DNAH14: variants seen among roughly 807,000 people sequenced by gnomAD.
The protein encoded by DNAH14 is dynein axonemal heavy chain 14.
A neutral mutation model predicts 520.9 loss-of-function variants in DNAH14; 478 were observed. That is an observed-to-expected ratio of 0.92 (90% CI 0.85 to 0.99). DNAH14 has a LOEUF of 0.99. DNAH14 is among the 50% of genes least tolerant of loss of function. The pLI is 0.00. For synonymous variants in DNAH14, 1,581 were observed against 1,757.2 expected (o/e 0.90, Z 2.51); for missense variants, 4,831 against 5,234.5 (o/e 0.92, Z 2.38).
Position 225,398,585 on chromosome 1 carries a change from T to G in DNAH14, c.13557T>G (p.Asn4519Lys), listed in dbSNP as rs147317659. ...FGLFIEGARWNREQKILEDSL... is the reference protein window; with the variant it reads ...FGLFIEGARWKREQKILEDSL... ...TATTCATCGAGGGGGCAAGATGGAATCGTGAACAGAAAATACTGGAAGACT... is the reference window on the plus strand; with the variant it reads ...TATTCATCGAGGGGGCAAGATGGAAGCGTGAACAGAAAATACTGGAAGACT... Residue 4519 changes from asparagine to lysine, a missense_variant, in exon 85 of 86, where the codon AAT becomes AAG. By Grantham distance (94) the Asn-to-Lys change is moderately conservative. Coordinates refer to ENST00000682510, the MANE Select transcript of DNAH14 (RefSeq NM_001367479.1). 6.4e-7 allele frequency: 1 copy of G among 1,551,714 alleles called. No individual in the cohort carries two copies. Among genetic ancestry groups the G allele is most frequent in the Non-Finnish European group, 8.7e-7 (1 of 1,146,988 alleles).
chr1:225,085,486 G>T (rs1558907677), intron 20 of DNAH14, 58 bp from the exon 21 acceptor site: 1 of 1,400,626 alleles, frequency 7.1e-7, no homozygotes, highest in Non-Finnish European at 9.6e-7. Context: ...TTTCCATTTT[G>T]GACATATCAG....
In DNAH14 at chr1:225,117,933, A is replaced by AAGAC; in HGVS notation, c.4027_4030dup (p.Ile1344ArgfsTer14). On this transcript the variant is annotated frameshift_variant, in exon 25 of 86. Coordinates refer to ENST00000682510, the MANE Select transcript of DNAH14 (RefSeq NM_001367479.1). LOFTEE classifies it high-confidence loss of function. ...ATAAAACAATTATTGATATGGAAACAAGACATTGGCCCTCCTGCTGTAAAA... is the reference window on the plus strand; with the variant it reads ...ATAAAACAATTATTGATATGGAAACAAGACAGACATTGGCCCTCCTGCTGTAAAA... The AAGAC allele has an allele frequency of 6.4e-7, 1 of 1,551,524 alleles. No individual in the cohort carries two copies. Among genetic ancestry groups the AAGAC allele is most frequent in the Non-Finnish European group, 8.7e-7 (1 of 1,146,900 alleles).
intron 21 of DNAH14, among the ~76,000 whole-genome samples, chr1:225,095,509 G>C (rs2074882901): frequency 1.3e-5 from 2 of 152,152 alleles, no homozygotes; most frequent in African/African-American, 4.8e-5. Context: ...AAGGTGGAGG[G>C]TGGGAGAAGG....
intron 65 of DNAH14, among the ~76,000 whole-genome samples, chr1:225,332,412 T>A (rs2094817762): frequency 6.6e-6 from 1 of 152,096 alleles, no homozygotes; most frequent in Non-Finnish European, 1.5e-5. Context: ...AGAGGGCTCT[T>A]GCTTAACATG....
chr1:225,034,302 A>G (rs1183883249), intron 11 of DNAH14, among the ~76,000 whole-genome samples: 1 of 152,046 alleles, frequency 6.6e-6, no homozygotes, highest in Non-Finnish European at 1.5e-5. Context: ...CCTTTTTTGC[A>G]TCTGTTGAGA....
chr1:225,164,690 C>G (rs1290284777), intron 35 of DNAH14, among the ~76,000 whole-genome samples: 1 of 152,102 alleles, frequency 6.6e-6, no homozygotes, highest in Non-Finnish European at 1.5e-5. Flanking sequence ...TAGCTGAAGA[C>G]TGACATTCAT....
intron 61 of DNAH14, among the ~76,000 whole-genome samples, chr1:225,319,733 T>C (rs537758199): frequency 4.9e-4 from 75 of 152,134 alleles, no homozygotes; most frequent in Admixed American, 1.7e-3. Context: ...TTCTGGGCAC[T>C]GAGGTTGTAG....
intron 78 of DNAH14, among the ~76,000 whole-genome samples, chr1:225,376,470 A>C (rs987515724): frequency 2.6e-5 from 4 of 152,236 alleles, no homozygotes; most frequent in African/African-American, 9.6e-5. Flanking sequence ...TGCCCAAAGA[A>C]TACAATGTGC....
rs568370050 is a variant in DNAH14, at chr1:225,052,796, G to A, written c.2424+1001G>A. 1.6e-4 allele frequency among the ~76,000 whole-genome samples: 24 copies of A among 152,274 alleles called. No individual in the cohort carries two copies. The South Asian group carries it at 4.6e-3, about 29-fold the overall frequency. Reference sequence around the variant, plus strand: ...ATTTAACTTAGATTCAGTTGCGTACGACAGAAAGCAAAAGGTAACAGTGGC... The same window carrying A: ...ATTTAACTTAGATTCAGTTGCGTACAACAGAAAGCAAAAGGTAACAGTGGC... On this transcript the variant is annotated intron_variant, in intron 17 of 85. Coordinates refer to ENST00000682510, the MANE Select transcript of DNAH14 (RefSeq NM_001367479.1).
In DNAH14 at chr1:225,270,720, T is replaced by C; in HGVS notation, c.7540-15T>C. 6.5e-7 allele frequency: 1 copy of C among 1,549,516 alleles called. No individual in the cohort carries two copies. Among genetic ancestry groups the C allele is most frequent in the African/African-American group, 1.4e-5 (1 of 73,148 alleles). On this transcript the variant is annotated splice_polypyrimidine_tract_variant and intron_variant, in intron 49 of 85. Transcript: ENST00000682510. The stretch of plus-strand genomic sequence containing the variant: ...AGATACATTCAGTTACTCTTCCTTT[T>C]TATCCTTATCACAGAATATTCAAGA...
At chr1:225,133,712 C>T (rs921102324) in intron 27 of DNAH14, among the ~76,000 whole-genome samples, 5 of 152,060 alleles carry the variant, frequency 3.3e-5, no homozygotes, top group African/African-American at 9.7e-5. Context: ...TATTTGGGCT[C>T]TTTTTTGGTT....
chr1:225,195,156 G>A (rs2085959667), intron 38 of DNAH14, among the ~76,000 whole-genome samples: 1 of 152,026 alleles, frequency 6.6e-6, no homozygotes, highest in African/African-American at 2.4e-5. Context: ...CCATTATTGG[G>A]CATATATGCC....
chr1:225,250,827 T>C, intron 43 of DNAH14: 1 of 427,348 alleles, frequency 2.3e-6, no homozygotes, highest in Non-Finnish European at 4.3e-6. Context: ...TCCCTGGCTA[T>C]CTGGTACCTG....
chr1:224,968,907 A>C, intron 7 of DNAH14, 33 bp downstream of exon 7: 1 of 1,441,276 alleles, frequency 6.9e-7, no homozygotes, highest in South Asian at 1.3e-5. Context: ...AATTCTTTGT[A>C]GTTTGATCCT....
intron 9 of DNAH14, among the ~76,000 whole-genome samples, chr1:225,004,223 C>T (rs1450842830): frequency 6.6e-6 from 1 of 152,074 alleles, no homozygotes; most frequent in Admixed American, 6.6e-5. Context: ...AGAAATAATT[C>T]TTTATATATA....
chr1:225,247,343 T>C (rs1481157046), intron 43 of DNAH14, among the ~76,000 whole-genome samples: 1 of 152,060 alleles, frequency 6.6e-6, no homozygotes, highest in Non-Finnish European at 1.5e-5. Flanking sequence ...TGTATACTTA[T>C]GTAACAAACC....
At position 225,144,644 on chromosome 1, in the gene DNAH14, A is replaced by G; in HGVS notation, c.4740+16A>G. On this transcript the variant is annotated intron_variant, in intron 29 of 85. Coordinates refer to ENST00000682510, the MANE Select transcript of DNAH14 (RefSeq NM_001367479.1). ...TCTAGCAAAAGTAAGTGGTTTCTGT[A>G]TCCAGAATAAAAACTTTTTTCTTTT... 1 of 1,528,412 alleles carries G rather than the reference A, an allele frequency of 6.5e-7. No homozygotes were observed. Among genetic ancestry groups the G allele is most frequent in the Non-Finnish European group, 8.8e-7 (1 of 1,134,270 alleles). 94.7% of individuals were successfully genotyped at this position (1,528,412 alleles called of 1,614,324 possible). A position where few individuals can be genotyped will look rare whatever the true frequency, so the allele number is the denominator to read the frequency against.
At chr1:224,997,428 GT>G (rs35341220) in intron 8 of DNAH14, among the ~76,000 whole-genome samples, 5 of 150,128 alleles carry the variant, frequency 3.3e-5, no homozygotes, top group South Asian at 2.2e-4. Flanking sequence ...TCAAAGGCAG[GT>G]TTTTTTTTGT....
intron 23 of DNAH14, among the ~76,000 whole-genome samples, chr1:225,103,998 G>A (rs1175263805): frequency 1.3e-5 from 2 of 151,784 alleles, no homozygotes; most frequent in Non-Finnish European, 2.9e-5. Flanking sequence ...TCCAGTTTTT[G>A]CCCATTCAGT....
Sources: gnomAD v4.1 joint callset for allele counts (sites outside exome capture counted in the v4.1 genomes callset) on GRCh38, gnomAD v4.1.1 for gene constraint, MANE v1.5 for transcripts, NCBI Gene and HGNC (gene_info 2026-07-23, HGNC 2026-07-21) for gene names.